HAS3: variants seen among roughly 807,000 people sequenced by gnomAD.
HAS3 encodes the protein hyaluronan synthase 3, also known as HA synthase 3.
Under a neutral mutation model 50.3 loss-of-function variants are expected in HAS3, and 27 were observed. The ratio of observed to expected loss-of-function variants is 0.54; its 90% CI spans 0.40 to 0.74. The LOEUF (loss-of-function observed/expected upper bound fraction) is 0.74. HAS3 is among the 30% of genes least tolerant of loss of function. The pLI is 0.00. For missense variants in HAS3, 517 were observed against 742.8 expected (o/e 0.70, Z 3.53); for synonymous variants, 339 against 310.9 (o/e 1.09, Z -0.95).
chr16:69,090,221 T>C, the HAS3 span, among the ~76,000 whole-genome samples: 1 of 151,990 alleles, frequency 6.6e-6, no homozygotes, highest in Non-Finnish European at 1.5e-5. Flanking sequence ...AGAAGGCGTT[T>C]GTGCTCCACT....
the HAS3 span, among the ~76,000 whole-genome samples, chr16:69,099,635 C>A: frequency 5.9e-3 from 897 of 152,260 alleles, 11 homozygotes; most frequent in African/African-American, 0.021. Context: ...CTAATTCATA[C>A]GATTTTAAAG....
chr16:69,114,684 T>C lies in HAS3; in HGVS notation c.1080T>C (p.Ser360=). ...ACCAGCAAACCCGCTGGAGCAAGTC[T>C]TACTTCCGGGAGTGGCTCTACAACT... is the stretch of plus-strand genomic sequence containing the variant. The part of the protein sequence containing the change: ...WLNQQTRWSK[S]YFREWLYNSL... Residue 360 remains serine (S), a synonymous_variant, in exon 4 of 4, where the codon TCT becomes TCC. Transcript: ENST00000569188. The surrounding 1 kb of genome is among the most constrained non-coding windows in gnomAD (Gnocchi z 6.4). 6.2e-7 allele frequency: 1 copy of C among 1,614,094 alleles called. No homozygotes were observed. The highest frequency in any genetic ancestry group is 1.7e-5 in the Admixed American group (1 of 60,016).
At chr16:69,093,708 T>G in the HAS3 span, among the ~76,000 whole-genome samples, 1 of 151,720 alleles carries the variant, frequency 6.6e-6, no homozygotes, top group Non-Finnish European at 1.5e-5. Flanking sequence ...TTTTGTATTT[T>G]TAGTAGAGAC....
Position 69,113,559 on chromosome 16 carries a change from G to A in HAS3, c.738+17G>A. 7.0e-7 allele frequency: 1 copy of A among 1,435,868 alleles called. No individual in the cohort carries two copies. The highest frequency in any genetic ancestry group is 1.2e-5 in the South Asian group (1 of 86,406). The allele number at this position is 1,435,868 out of a possible 1,614,324, so 88.9% of individuals were successfully genotyped here. A position where few individuals can be genotyped will look rare whatever the true frequency, so the allele number is the denominator to read the frequency against. On this transcript the variant is annotated intron_variant, in intron 3 of 3. Coordinates refer to ENST00000569188, the MANE Select transcript of HAS3 (RefSeq NM_001199280.2). ...GATGTCCAGGTAAGATGAGACCAGGGATATCTGTGGGGAGGGGTCTGGACT... is the reference window on the plus strand; with the variant it reads ...GATGTCCAGGTAAGATGAGACCAGGAATATCTGTGGGGAGGGGTCTGGACT...
chr16:69,106,787 C>A lies in HAS3; in HGVS notation c.-1+1000C>A, dbSNP rs1156577886. 2 of 152,114 alleles carry A rather than the reference C, an allele frequency of 1.3e-5. No individual in the cohort carries two copies. The highest frequency in any genetic ancestry group is 2.9e-5 in the Non-Finnish European group (2 of 68,020). 9.4% of individuals were successfully genotyped at this position (152,114 alleles called of 1,614,324 possible). ...CGTGTCCGGGGGAGTGGGCTCCCCT[C>A]CCCTGGCCGGCCTGGAGGGGCCCGG... is the stretch of plus-strand genomic sequence containing the variant. On this transcript the variant is annotated intron_variant, in intron 1 of 3. Transcript: ENST00000569188. This position sits in a 1 kb window ranked among gnomAD's most constrained non-coding sequence, Gnocchi z 5.5.
downstream of HAS3, chr16:69,118,126 C>T: frequency 2.5e-6 from 1 of 406,594 alleles, no homozygotes; most frequent in South Asian, 4.5e-5. Flanking sequence ...CTTCATCCCC[C>T]ACCCCCACCC....
the HAS3 span, among the ~76,000 whole-genome samples, chr16:69,099,389 G>A: frequency 2.0e-5 from 3 of 151,602 alleles, no homozygotes; most frequent in East Asian, 3.9e-4. Context: ...GTGCAGTGGC[G>A]CAATCTCGGC....
rs1961156745 is a variant in HAS3, at chr16:69,115,650, C to T, written c.*384C>T. On this transcript the variant is annotated 3_prime_UTR_variant, in exon 4 of 4. Transcript: ENST00000569188. ...CGGCAACCTGCGGAAGGAGGTTCTC[C>T]CAGCCCATCTGAACACAACCAGAGG... 1 of 1,002,044 alleles carries T rather than the reference C, an allele frequency of 1.0e-6. No individual in the cohort carries two copies. Among genetic ancestry groups the T allele is most frequent in the Non-Finnish European group, 1.2e-6 (1 of 841,272 alleles). 62.1% of individuals were successfully genotyped at this position (1,002,044 alleles called of 1,614,324 possible). A position where few individuals can be genotyped will look rare whatever the true frequency, so the allele number is the denominator to read the frequency against.
Position 69,107,720 on chromosome 16 carries a change from C to T in HAS3, c.1-1676C>T. 2 of 984,600 alleles carry T rather than the reference C, an allele frequency of 2.0e-6. No individual in the cohort carries two copies. Among genetic ancestry groups the T allele is most frequent in the Non-Finnish European group, 2.4e-6 (2 of 829,170 alleles). The allele number at this position is 984,600 out of a possible 1,614,324, so 61.0% of individuals were successfully genotyped here. ...TGTAAGCTCCGGAGGGGAATGGGGG[C>T]GCTCCTAGGCTGCGGATGCAGGCCT... On this transcript the variant is annotated intron_variant, in intron 1 of 3. Coordinates refer to ENST00000569188, the MANE Select transcript of HAS3 (RefSeq NM_001199280.2). This position sits in a 1 kb window ranked among gnomAD's most constrained non-coding sequence, Gnocchi z 5.5.
At chr16:69,087,521 A>C in the HAS3 span, among the ~76,000 whole-genome samples, 1 of 150,036 alleles carries the variant, frequency 6.7e-6, no homozygotes, top group Admixed American at 6.6e-5. Context: ...CATATTTCCC[A>C]ATCTCCTCTT....
chr16:69,091,390 T>G, the HAS3 span, among the ~76,000 whole-genome samples: 1 of 152,188 alleles, frequency 6.6e-6, no homozygotes, highest in African/African-American at 2.4e-5. Context: ...TTCTCAGACA[T>G]AACTTTGCAT....
chr16:69,093,328 C>T, the HAS3 span, among the ~76,000 whole-genome samples: 2 of 152,214 alleles, frequency 1.3e-5, no homozygotes, highest in South Asian at 4.1e-4. Flanking sequence ...TCTCCTGCCT[C>T]AGCCTCCTGA....
In HAS3 at chr16:69,117,493, A is replaced by G. The variant is rs1961236085; in HGVS notation, c.*2227A>G. On this transcript the variant is annotated 3_prime_UTR_variant, in exon 4 of 4. Transcript: ENST00000569188. The stretch of plus-strand genomic sequence containing the variant: ...GAAGAGCCTTTATACAATTGGACGC[A>G]TTTTGGTTTTTCCTCATTGAGAATT... 5.1e-6 allele frequency: 5 copies of G among 982,742 alleles called. No individual in the cohort carries two copies. The highest frequency in any genetic ancestry group is 4.8e-6 in the Non-Finnish European group (4 of 827,502). The allele number at this position is 982,742 out of a possible 1,614,324, so 60.9% of individuals were successfully genotyped here.
chr16:69,113,709 C>T (rs1961085995), intron 3 of HAS3, among the ~76,000 whole-genome samples, 167 bp downstream of exon 3: 1 of 152,152 alleles, frequency 6.6e-6, no homozygotes. Flanking sequence ...CTGCCCAACC[C>T]CTTTCTTGCT....
At position 69,114,298 on chromosome 16, in the gene HAS3, C is replaced by T. The variant is rs774415046; in HGVS notation, c.739-45C>T. On this transcript the variant is annotated intron_variant, in intron 3 of 3. Transcript: ENST00000569188. This position sits in a 1 kb window ranked among gnomAD's most constrained non-coding sequence, Gnocchi z 6.4. ...CTCGTGGTCTCTGATGTCTGTCCTC[C>T]GGACGTGCAACCTTAGGAGGCCCAG... 28 of 1,540,888 alleles carry T rather than the reference C, an allele frequency of 1.8e-5. No individual in the cohort carries two copies. The highest frequency in any genetic ancestry group is 1.1e-4 in the South Asian group (9 of 80,882).
chr16:69,109,759 G>A lies in HAS3; in HGVS notation c.364G>A (p.Val122Met). ...SFPDLKVVMV[V>M]DGNRQEDAYM... ...CCCTGACCTCAAGGTGGTCATGGTG[G>A]TGGATGGCAACCGCCAGGAGGACGC... is the stretch of plus-strand genomic sequence containing the variant. The change falls in exon 2 of 4, where the codon GTG (valine) becomes ATG (methionine). Residue 122 changes from valine (V) to methionine (M), a missense_variant. By Grantham distance (21) the Val-to-Met change is conservative. Coordinates refer to ENST00000569188, the MANE Select transcript of HAS3 (RefSeq NM_001199280.2). The surrounding 1 kb of genome is among the most constrained non-coding windows in gnomAD (Gnocchi z 5.3). The A allele has an allele frequency of 1.2e-6, 2 of 1,611,684 alleles. No homozygotes were observed. The highest frequency in any genetic ancestry group is 1.7e-6 in the Non-Finnish European group (2 of 1,180,018).
At chr16:69,099,668 TATGC>T in the HAS3 span, among the ~76,000 whole-genome samples, 2 of 152,230 alleles carry the variant, frequency 1.3e-5, no homozygotes, top group Non-Finnish European at 2.9e-5. Flanking sequence ...TAAATGCAGG[TATGC>T]ATACATAACG....
chr16:69,089,770 T>C, the HAS3 span, among the ~76,000 whole-genome samples: 1 of 152,214 alleles, frequency 6.6e-6, no homozygotes, highest in Non-Finnish European at 1.5e-5. Context: ...TCATCCCCTG[T>C]TGTCCTCCCC....
upstream of HAS3, among the ~76,000 whole-genome samples, chr16:69,101,891 T>C (rs1341184530): frequency 6.6e-6 from 1 of 152,038 alleles, no homozygotes; most frequent in African/African-American, 2.4e-5. Flanking sequence ...TTCAAACGAT[T>C]CTCCTGCTTC....
Sources: gnomAD v4.1 joint callset for allele counts (sites outside exome capture counted in the v4.1 genomes callset) on GRCh38, gnomAD v4.1.1 for gene constraint, Gnocchi (gnomAD v3.1) non-coding constraint, MANE v1.5 for transcripts, NCBI Gene and HGNC (gene_info 2026-07-23, HGNC 2026-07-21) for gene names.